PDK2: variants seen among roughly 807,000 people sequenced by gnomAD.
The protein encoded by PDK2 is pyruvate dehydrogenase kinase, isozyme 2.
A neutral mutation model predicts 50.4 loss-of-function variants in PDK2; 34 were observed. The observed-to-expected ratio is 0.68, with a 90% confidence interval of 0.51 to 0.90. The LOEUF (loss-of-function observed/expected upper bound fraction) is 0.90, where lower values mean the gene tolerates loss of function less well. PDK2 is among the 40% of genes least tolerant of loss of function. The pLI, the probability that PDK2 is intolerant of heterozygous loss-of-function variation, is 0.00. For synonymous variants in PDK2, 232 were observed against 216.0 expected, an observed-to-expected ratio of 1.07 and a Z score of -0.65; for missense variants, 377 against 544.5, an observed-to-expected ratio of 0.69 and a Z score of 3.06.
At chr17:50,108,072 G>A (rs1296094064) in intron 6 of PDK2, 84 bp from the exon 7 acceptor site, 2 of 1,114,010 alleles carry the variant, frequency 1.8e-6, no homozygotes, top group Non-Finnish European at 2.7e-6. Context: ...GAACTTTGTG[G>A]GAGGGGGTGC....
At chr17:50,095,735 C>T in intron 1 of PDK2, 182 bp downstream of exon 1, 1 of 1,421,372 alleles carries the variant, frequency 7.0e-7, no homozygotes, top group Non-Finnish European at 9.2e-7. Context: ...CTCGACGGGG[C>T]TGCTGATGGG....
chr17:50,105,745 G>T, intron 3 of PDK2, 140 bp from the exon 4 acceptor site: 1 of 1,198,048 alleles, frequency 8.3e-7, no homozygotes. Context: ...GATCAGAGTG[G>T]GCTTTGGGAG....
Position 50,110,037 on chromosome 17 carries a change from C to G in PDK2, c.1164C>G (p.Ala388=), listed in dbSNP as rs755178446. Residue 388 remains alanine (A), a synonymous_variant, in exon 11 of 11, where the codon GCC becomes GCG. Coordinates refer to ENST00000503176, the MANE Select transcript of PDK2 (RefSeq NM_002611.5). The stretch of plus-strand genomic sequence containing the variant: ...GCCACTACCAGACCATCCAGGAGGC[C>G]GGCGACTGGTGTGTGCCCAGCACGG... ...AWRHYQTIQE[A]GDWCVPSTEP... is the part of the protein sequence containing the mutation. 2 of 1,610,322 alleles carry G rather than the reference C, an allele frequency of 1.2e-6. No individual in the cohort carries two copies. Among genetic ancestry groups the G allele is most frequent in the African/African-American group, 1.3e-5 (1 of 74,864 alleles).
intron 4 of PDK2, 93 bp downstream of exon 4, chr17:50,106,162 C>T: frequency 6.5e-7 from 1 of 1,538,598 alleles, no homozygotes; most frequent in South Asian, 1.2e-5. Flanking sequence ...GACCACTCTT[C>T]AGAACCCCAC....
chr17:50,100,334 T>A (rs912634965), intron 2 of PDK2, among the ~76,000 whole-genome samples: 3 of 152,130 alleles, frequency 2.0e-5, no homozygotes, highest in Non-Finnish European at 4.4e-5. Flanking sequence ...CCTGTTTTGG[T>A]GGAGACTGGA....
In PDK2 at chr17:50,105,448, TG is replaced by T; in HGVS notation, c.332+11del. ...GACCATCGCACCCTGAGCCAGTGAG[TG>T]GGGGCCCTGGGTGGGGCAGGAAGGC... On this transcript the variant is annotated splice_region_variant and intron_variant, in intron 3 of 10. Coordinates refer to ENST00000503176, the MANE Select transcript of PDK2 (RefSeq NM_002611.5). 13 of 1,612,046 alleles carry T rather than the reference TG, an allele frequency of 8.1e-6. No individual in the cohort carries two copies. The highest frequency in any genetic ancestry group is 1.1e-5 in the Non-Finnish European group (13 of 1,179,026).
chr17:50,110,019 C>T lies in PDK2; in HGVS notation c.1146C>T (p.Tyr382=). 1 of 1,606,982 alleles carries T rather than the reference C, an allele frequency of 6.2e-7. No homozygotes were observed. Among genetic ancestry groups the T allele is most frequent in the Non-Finnish European group, 8.5e-7 (1 of 1,177,094 alleles). The change falls in exon 11 of 11, where the codon TAC becomes TAT. Residue 382 remains tyrosine, a synonymous_variant. Coordinates refer to ENST00000503176, the MANE Select transcript of PDK2 (RefSeq NM_002611.5). ...ACAACAAGTCAGCCTGGCGCCACTA[C>T]CAGACCATCCAGGAGGCCGGCGACT... The part of the protein sequence containing the change: ...PVYNKSAWRH[Y]QTIQEAGDWC...
intron 4 of PDK2, 172 bp from the exon 5 acceptor site, chr17:50,106,622 G>T (rs1450722484): frequency 1.6e-6 from 1 of 627,208 alleles, no homozygotes; most frequent in African/African-American, 1.8e-5. Flanking sequence ...AGGGCTGGAG[G>T]GGTCAGGGGT....
At position 50,095,458 on chromosome 17, in the gene PDK2, T is replaced by C; in HGVS notation, c.23T>C (p.Leu8Pro). 6.2e-7 allele frequency: 1 copy of C among 1,604,216 alleles called. No homozygotes were observed. The highest frequency in any genetic ancestry group is 8.5e-7 in the Non-Finnish European group (1 of 1,176,002). Reference protein sequence around the residue: MRWVWALLKNASLAGAPK... With the variant: MRWVWALPKNASLAGAPK... ...GCCATGCGCTGGGTGTGGGCGCTGCTGAAGAATGCGTCCCTGGCAGGGGCG... is the reference window on the plus strand; with the variant it reads ...GCCATGCGCTGGGTGTGGGCGCTGCCGAAGAATGCGTCCCTGGCAGGGGCG... The change falls in exon 1 of 11, where the codon CTG becomes CCG. Residue 8 changes from leucine (L) to proline (P), a missense_variant. Physicochemically the swap from Leu to Pro is moderately conservative, Grantham distance 98. Transcript: ENST00000503176.
At chr17:50,106,113 C>G (rs1216228282) in intron 4 of PDK2, 44 bp downstream of exon 4, 1 of 1,555,256 alleles carries the variant, frequency 6.4e-7, no homozygotes, top group Non-Finnish European at 8.7e-7. Context: ...GTGGGGGGGG[C>G]GGTGCTGGGG....
At chr17:50,107,884 C>A (rs1478133494) in intron 6 of PDK2, 1 of 491,224 alleles carries the variant, frequency 2.0e-6, no homozygotes, top group South Asian at 2.4e-5. Flanking sequence ...TCGCCAGCCC[C>A]TTGCTGGACA....
At chr17:50,108,074 AG>A in intron 6 of PDK2, 81 bp from the exon 7 acceptor site, 5 of 1,120,372 alleles carry the variant, frequency 4.5e-6, no homozygotes, top group Non-Finnish European at 5.3e-6. Flanking sequence ...ACTTTGTGGG[AG>A]GGGGTGCCTC....
At position 50,101,799 on chromosome 17, in the gene PDK2, C is replaced by T. The variant is rs1417064204; in HGVS notation, c.261-3572C>T. 2 of 152,278 alleles carry T rather than the reference C, an allele frequency of 1.3e-5. No individual in the cohort carries two copies. 9.4% of individuals were successfully genotyped at this position (152,278 alleles called of 1,614,324 possible). A position where few individuals can be genotyped will look rare whatever the true frequency, so the allele number is the denominator to read the frequency against. On this transcript the variant is annotated intron_variant, in intron 2 of 10. Transcript: ENST00000503176. The surrounding 1 kb of genome is among the most constrained non-coding windows in gnomAD (Gnocchi z 4.2). ...CCTCCTCCTTCTCATTCCTGGGGCTCTGGACTGGCTCTGGAGCCCTGGAAA... is the reference window on the plus strand; with the variant it reads ...CCTCCTCCTTCTCATTCCTGGGGCTTTGGACTGGCTCTGGAGCCCTGGAAA...
In PDK2 at chr17:50,109,801, T is replaced by C. The variant is rs1910727650; in HGVS notation, c.1084-156T>C. On this transcript the variant is annotated intron_variant, in intron 10 of 10. Coordinates refer to ENST00000503176, the MANE Select transcript of PDK2 (RefSeq NM_002611.5). The surrounding 1 kb of genome is among the most constrained non-coding windows in gnomAD (Gnocchi z 5.0). ...CCTTAGAGGGAGCTGCTTGCTTGAA[T>C]GGGCAGGAGCGGGACACAGGAGGGA... is the stretch of plus-strand genomic sequence containing the variant. Among the ~76,000 whole-genome samples the C allele has an allele frequency of 6.6e-6, 1 of 152,124 alleles. No homozygotes were observed. The highest frequency in any genetic ancestry group is 2.1e-4 in the South Asian group (1 of 4,818).
Position 50,095,409 on chromosome 17 carries a change from A to G in PDK2, c.-27A>G, listed in dbSNP as rs1567710138. 4 of 1,551,366 alleles carry G rather than the reference A, an allele frequency of 2.6e-6. No individual in the cohort carries two copies. Among genetic ancestry groups the G allele is most frequent in the East Asian group, 2.3e-5 (1 of 43,340 alleles). ...CGCGAGCGCTGCCCGCGCGGGGACC[A>G]CAACCAAAGTCGCGGCCGCCGCAGC... On this transcript the variant is annotated 5_prime_UTR_variant, in exon 1 of 11. Coordinates refer to ENST00000503176, the MANE Select transcript of PDK2 (RefSeq NM_002611.5).
At chr17:50,095,193 T>C, upstream of PDK2, 1 of 414,854 alleles carries the variant, frequency 2.4e-6, no homozygotes, top group Non-Finnish European at 4.3e-6. Context: ...CGGCAAAGCG[T>C]GGGTTAAGGG....
chr17:50,097,581 A>T lies in PDK2; in HGVS notation c.260+17A>T. ...GCAGAGCTGGTGAGACCCCTGGCTCAGTCCCTGCACCTCCCACTCCATCGC... is the reference window on the plus strand; with the variant it reads ...GCAGAGCTGGTGAGACCCCTGGCTCTGTCCCTGCACCTCCCACTCCATCGC... On this transcript the variant is annotated intron_variant, in intron 2 of 10. Coordinates refer to ENST00000503176, the MANE Select transcript of PDK2 (RefSeq NM_002611.5). 1 of 1,610,956 alleles carries T rather than the reference A, an allele frequency of 6.2e-7. No individual in the cohort carries two copies. Among genetic ancestry groups the T allele is most frequent in the Non-Finnish European group, 8.5e-7 (1 of 1,179,820 alleles).
At chr17:50,095,910 A>G in intron 1 of PDK2, 1 of 654,792 alleles carries the variant, frequency 1.5e-6, no homozygotes, top group Non-Finnish European at 1.9e-6. Context: ...CTGGAGGAGT[A>G]GGGGCCCCTC....
chr17:50,106,049 G>A lies in PDK2; in HGVS notation c.497G>A (p.Arg166His), dbSNP rs776820518. 6.2e-7 allele frequency: 1 copy of A among 1,604,508 alleles called. No individual in the cohort carries two copies. Among genetic ancestry groups the A allele is most frequent in the Non-Finnish European group, 8.5e-7 (1 of 1,175,488 alleles). The change falls in exon 4 of 11, where the codon CGC (arginine) becomes CAC (histidine). Residue 166 changes from arginine (R) to histidine (H), a missense_variant. Arg to His is a conservative substitution (Grantham distance 29). Coordinates refer to ENST00000503176, the MANE Select transcript of PDK2 (RefSeq NM_002611.5). ...TTCTACCTCAGCCGCATCTCCATCC[G>A]CATGCTCATCAACCAGCACAGTGGG... is the stretch of plus-strand genomic sequence containing the variant. ...DRFYLSRISIRMLINQHTLIF... is the reference protein window; with the variant it reads ...DRFYLSRISIHMLINQHTLIF...
Sources: allele counts gnomAD v4.1 joint callset (sites outside exome capture counted in the v4.1 genomes callset), GRCh38; gene constraint gnomAD v4.1.1; non-coding constraint Gnocchi (gnomAD v3.1); transcripts MANE v1.5; gene names NCBI Gene and HGNC (gene_info 2026-07-23, HGNC 2026-07-21).